Variants in DPP10 observed in about 807,000 individuals in gnomAD.
The protein encoded by DPP10 is inactive dipeptidyl peptidase 10.
A neutral mutation model predicts 120.9 loss-of-function variants in DPP10; 33 were observed. That is an observed-to-expected ratio of 0.27 (90% CI 0.21 to 0.37). The LOEUF (loss-of-function observed/expected upper bound fraction) is 0.37, where lower values mean the gene tolerates loss of function less well. Ranked by LOEUF, DPP10 falls within the 10% of genes least tolerant of loss-of-function variation. The probability of loss-of-function intolerance (pLI) is 1.00; values close to 1 mark genes in which losing one functional copy is unlikely to be tolerated. For missense variants in DPP10, 816 were observed against 942.8 expected, an observed-to-expected ratio of 0.87 and a Z score of 1.76; for synonymous variants, 337 against 326.1, an observed-to-expected ratio of 1.03 and a Z score of -0.36.
At chr2:115,751,669 A>C (rs534187604) in intron 10 of DPP10, among the ~76,000 whole-genome samples, 1 of 152,330 alleles carries the variant, frequency 6.6e-6, no homozygotes, top group East Asian at 1.9e-4. Flanking sequence ...TAGATATGTA[A>C]CATTCATGTA....
chr2:115,260,464 C>T (rs1038737949), intron 1 of DPP10, among the ~76,000 whole-genome samples: 5 of 152,196 alleles, frequency 3.3e-5, no homozygotes, highest in African/African-American at 7.2e-5. Flanking sequence ...AAAGGCTTGG[C>T]GCAAGATAAA....
intron 5 of DPP10, among the ~76,000 whole-genome samples, chr2:115,593,659 A>C (rs543505385): frequency 2.0e-5 from 3 of 152,336 alleles, no homozygotes; most frequent in African/African-American, 7.2e-5. Flanking sequence ...ATGAAAACTC[A>C]AAACTAATGG....
At chr2:114,812,397 T>A (rs1235018110) in intron 1 of DPP10, among the ~76,000 whole-genome samples, 3 of 151,520 alleles carry the variant, frequency 2.0e-5, no homozygotes, top group African/African-American at 7.3e-5. Context: ...AGCCCAGGAG[T>A]TCACATGGCA....
chr2:115,136,720 T>C (rs1259368094), intron 1 of DPP10, among the ~76,000 whole-genome samples: 2 of 152,108 alleles, frequency 1.3e-5, no homozygotes, highest in East Asian at 1.9e-4. Flanking sequence ...AGGTTATCTA[T>C]TTGAGGAGCC....
intron 1 of DPP10, among the ~76,000 whole-genome samples, chr2:114,479,420 A>C (rs900590521): frequency 2.6e-5 from 4 of 151,852 alleles, no homozygotes; most frequent in African/African-American, 4.8e-5. Flanking sequence ...TGAAAAAAAA[A>C]CAGAACTATT....
intron 3 of DPP10, among the ~76,000 whole-genome samples, chr2:115,351,649 G>T (rs761159246): frequency 6.6e-6 from 1 of 152,144 alleles, no homozygotes; most frequent in East Asian, 1.9e-4. Context: ...GTAAATCATG[G>T]TTATCAAGGC....
chr2:115,824,833 G>C (rs1044946299), intron 21 of DPP10, among the ~76,000 whole-genome samples: 1 of 151,824 alleles, frequency 6.6e-6, no homozygotes, highest in Non-Finnish European at 1.5e-5. Context: ...AATAGTCTTT[G>C]GTCACATAAT....
At chr2:114,506,890 C>T (rs1413375088) in intron 1 of DPP10, among the ~76,000 whole-genome samples, 1 of 152,132 alleles carries the variant, frequency 6.6e-6, no homozygotes, top group African/African-American at 2.4e-5. Context: ...AGACCAAGTG[C>T]CTTCAAGCAC....
At chr2:115,239,676 A>G (rs1475926231) in intron 1 of DPP10, among the ~76,000 whole-genome samples, 1 of 152,082 alleles carries the variant, frequency 6.6e-6, no homozygotes, top group Non-Finnish European at 1.5e-5. Flanking sequence ...ATAGGTATAC[A>G]CATGCCATGG....
At chr2:114,755,284 G>A (rs1048700288) in intron 1 of DPP10, among the ~76,000 whole-genome samples, 4 of 152,108 alleles carry the variant, frequency 2.6e-5, no homozygotes, top group Non-Finnish European at 5.9e-5. Context: ...TGGTTACACT[G>A]TTTGTTTTGT....
At chr2:115,724,021 A>G (rs1155604) in intron 7 of DPP10, among the ~76,000 whole-genome samples, 150,440 of 152,296 alleles carry the variant, frequency 0.99, 74,330 homozygotes, top group Middle Eastern at 1. Flanking sequence ...AGCTAAAACA[A>G]GTCTAATGTT....
chr2:115,623,801 T>G (rs1056305887), intron 5 of DPP10, among the ~76,000 whole-genome samples: 4 of 152,154 alleles, frequency 2.6e-5, no homozygotes, highest in African/African-American at 9.7e-5. Context: ...CTAGCAAGAT[T>G]TCCAAGGTAC....
chr2:115,207,188 C>T (rs1338294133), intron 1 of DPP10, among the ~76,000 whole-genome samples: 1 of 152,104 alleles, frequency 6.6e-6, no homozygotes, highest in Non-Finnish European at 1.5e-5. Flanking sequence ...TCGGCAAACA[C>T]ATTATATCAT....
intron 3 of DPP10, chr2:115,468,483 A>G (rs777854987): frequency 9.2e-6 from 4 of 434,938 alleles, no homozygotes; most frequent in South Asian, 1.7e-5. Context: ...CCTGCTTACT[A>G]TTGCTCTGTG....
At chr2:114,830,038 C>G (rs1474650588) in intron 1 of DPP10, among the ~76,000 whole-genome samples, 1 of 152,078 alleles carries the variant, frequency 6.6e-6, no homozygotes, top group East Asian at 1.9e-4. Context: ...TACTGCTGTC[C>G]TCTCCTGGGC....
chr2:115,301,513 G>A (rs1314392092), intron 1 of DPP10, among the ~76,000 whole-genome samples: 4 of 149,660 alleles, frequency 2.7e-5, no homozygotes, highest in African/African-American at 7.4e-5. Flanking sequence ...TTCCAAGGTG[G>A]CGCAAGCACA....
At chr2:115,612,458 C>A (rs531246197) in intron 5 of DPP10, among the ~76,000 whole-genome samples, 1 of 152,030 alleles carries the variant, frequency 6.6e-6, no homozygotes, top group African/African-American at 2.4e-5. Context: ...TTTTTGCATG[C>A]GAAATCTACT....
At chr2:114,539,177 CTG>C (rs1484582863) in intron 1 of DPP10, among the ~76,000 whole-genome samples, 1 of 148,174 alleles carries the variant, frequency 6.7e-6, no homozygotes. Flanking sequence ...TTATTTATAA[CTG>C]TATATTACAT....
At chr2:115,059,546 T>A (rs966423489) in intron 1 of DPP10, among the ~76,000 whole-genome samples, 1 of 152,172 alleles carries the variant, frequency 6.6e-6, no homozygotes, top group East Asian at 1.9e-4. Flanking sequence ...TCTCCAACCA[T>A]GACAACTGGT....
Sources: gnomAD v4.1 joint callset for allele counts (sites outside exome capture counted in the v4.1 genomes callset) on GRCh38, gnomAD v4.1.1 for gene constraint, MANE v1.5 for transcripts, NCBI Gene and HGNC (gene_info 2026-07-23, HGNC 2026-07-21) for gene names.